The following NTM variants were observed in gnomAD, a reference collection of about 807,000 sequenced individuals.
The protein encoded by NTM is IgLON family member 2.
Under a neutral mutation model 42.1 loss-of-function variants are expected in NTM, and 13 were observed. The ratio of observed to expected loss-of-function variants is 0.31; its 90% CI spans 0.20 to 0.49. The LOEUF (loss-of-function observed/expected upper bound fraction) is 0.49, where lower values mean the gene tolerates loss of function less well. Ranked by LOEUF, NTM falls within the 20% of genes least tolerant of loss-of-function variation. NTM has a pLI of 0.99. For synonymous variants in NTM, 187 were observed against 179.2 expected (o/e 1.04, Z -0.35); for missense variants, 373 against 452.8 (o/e 0.82, Z 1.60).
At chr11:131,393,615 C>A (rs894642730) in intron 1 of NTM, among the ~76,000 whole-genome samples, 1 of 152,200 alleles carries the variant, frequency 6.6e-6, no homozygotes, top group Non-Finnish European at 1.5e-5. Context: ...CACCACCTCC[C>A]AGGGTGAACA....
chr11:131,558,160 G>A (rs929452003), intron 1 of NTM, among the ~76,000 whole-genome samples: 1 of 152,098 alleles, frequency 6.6e-6, no homozygotes, highest in African/African-American at 2.4e-5. Context: ...GGTTGATGTG[G>A]GCCTGTACTG....
chr11:132,005,974 A>C (rs999336293), intron 2 of NTM, among the ~76,000 whole-genome samples: 5 of 152,212 alleles, frequency 3.3e-5, no homozygotes, highest in African/African-American at 1.2e-4. Context: ...TTCAATTATT[A>C]GTGTTTTCCC....
Position 131,493,088 on chromosome 11 carries a change from C to T in NTM, c.82+122200C>T, listed in dbSNP as rs142257289. Among the ~76,000 whole-genome samples the T allele has an allele frequency of 2.7e-3, 408 of 152,032 alleles. 2 individuals are homozygous for T. Among genetic ancestry groups the T allele is most frequent in the African/African-American group, 9.3e-3 (385 of 41,474 alleles). On this transcript the variant is annotated intron_variant, in intron 1 of 8. Coordinates refer to ENST00000683400, the MANE Select transcript of NTM (RefSeq NM_001352005.2). The stretch of plus-strand genomic sequence containing the variant: ...GAAAAAAATACAAAAATTAGCTGGG[C>T]TTGGTGGCACATGTCTGTAGTCCCT...
At chr11:132,161,736 A>G (rs184207485) in intron 3 of NTM, among the ~76,000 whole-genome samples, 3 of 151,992 alleles carry the variant, frequency 2.0e-5, no homozygotes, top group Admixed American at 1.3e-4. Flanking sequence ...GTGCACCCAG[A>G]CTGCGATTCC....
intron 1 of NTM, among the ~76,000 whole-genome samples, chr11:131,522,820 C>A (rs2136580639): frequency 6.6e-6 from 1 of 152,318 alleles, no homozygotes; most frequent in East Asian, 1.9e-4. Flanking sequence ...GGCCTTCAAG[C>A]CCCAGCTGCT....
At chr11:131,983,247 A>G (rs557142730) in intron 2 of NTM, among the ~76,000 whole-genome samples, 2 of 152,270 alleles carry the variant, frequency 1.3e-5, no homozygotes, top group East Asian at 3.9e-4. Context: ...GCATCACAAA[A>G]AGAGATGCTG....
At chr11:131,832,568 C>A (rs1382828385) in intron 1 of NTM, among the ~76,000 whole-genome samples, 1 of 152,154 alleles carries the variant, frequency 6.6e-6, no homozygotes, top group African/African-American at 2.4e-5. Flanking sequence ...CTTGACTTCA[C>A]CCTCAGCTTG....
chr11:131,798,801 A>C (rs1342595205), intron 1 of NTM, among the ~76,000 whole-genome samples: 3 of 152,198 alleles, frequency 2.0e-5, no homozygotes, highest in Non-Finnish European at 4.4e-5. Flanking sequence ...GTAGATGGAT[A>C]ATAACCCTCT....
intron 2 of NTM, among the ~76,000 whole-genome samples, chr11:132,069,300 G>A (rs1481885967): frequency 6.6e-4 from 98 of 148,498 alleles, no homozygotes; most frequent in Admixed American, 1.3e-3. Context: ...AAGTTAACAC[G>A]TCACACTGAC....
In NTM at chr11:132,150,457, G is replaced by C. The variant is rs147975911; in HGVS notation, c.400+3943G>C. On this transcript the variant is annotated intron_variant, in intron 3 of 8. Coordinates refer to ENST00000683400, the MANE Select transcript of NTM (RefSeq NM_001352005.2). ...AAAGCTTTATTGGATAGTGCTATAAGGGGTTACCATTATGGATCAGCAGGT... is the reference window on the plus strand; with the variant it reads ...AAAGCTTTATTGGATAGTGCTATAACGGGTTACCATTATGGATCAGCAGGT... 3.8e-3 allele frequency among the ~76,000 whole-genome samples: 583 copies of C among 152,298 alleles called. 4 individuals carry two copies. Among genetic ancestry groups the C allele is most frequent in the African/African-American group, 0.01 (435 of 41,558 alleles).
intron 1 of NTM, among the ~76,000 whole-genome samples, chr11:131,482,052 G>A (rs949258365): frequency 2.6e-5 from 4 of 152,152 alleles, no homozygotes; most frequent in Non-Finnish European, 4.4e-5. Context: ...TTGAGAAGGC[G>A]GTATATAATT....
At chr11:131,877,865 C>T (rs567410) in intron 1 of NTM, 9,210 of 152,324 alleles carry the variant, frequency 0.06, 328 homozygotes, top group East Asian at 0.16. Flanking sequence ...GCTCAGCTCC[C>T]TCCAGGTGGG....
chr11:131,493,877 C>T (rs1645184755), intron 1 of NTM, among the ~76,000 whole-genome samples: 1 of 152,210 alleles, frequency 6.6e-6, no homozygotes, highest in Admixed American at 6.5e-5. Context: ...CACAACTGAG[C>T]TGCACCTCCA....
rs184130126 is a variant in NTM at position 131,456,045 on chromosome 11, A to C, written c.82+85157A>C. 3.4e-3 allele frequency among the ~76,000 whole-genome samples: 516 copies of C among 152,324 alleles called. 5 individuals are homozygous for C. The highest frequency in any genetic ancestry group is 0.012 in the African/African-American group (496 of 41,564). Reference sequence around the variant, plus strand: ...TGACCCATTTGTGCCTAGGTTGCAAATTTTGTGTGTGTGAAAAATAAGACC... The same window carrying C: ...TGACCCATTTGTGCCTAGGTTGCAACTTTTGTGTGTGTGAAAAATAAGACC... On this transcript the variant is annotated intron_variant, in intron 1 of 8. Transcript: ENST00000683400.
At chr11:132,037,115 T>TA (rs1690112710) in intron 2 of NTM, among the ~76,000 whole-genome samples, 1 of 152,212 alleles carries the variant, frequency 6.6e-6, no homozygotes, top group South Asian at 2.1e-4. Context: ...AGGTAGGGCC[T>TA]AATAGAAGGT....
At chr11:132,031,238 G>A (rs1009414008) in intron 2 of NTM, among the ~76,000 whole-genome samples, 3 of 152,176 alleles carry the variant, frequency 2.0e-5, no homozygotes, top group African/African-American at 7.2e-5. Context: ...TACTCTTAGT[G>A]TGAACATCTT....
chr11:132,127,851 A>G (rs12291967), intron 2 of NTM, among the ~76,000 whole-genome samples: 3,171 of 152,240 alleles, frequency 0.021, 50 homozygotes, highest in Middle Eastern at 0.048. Flanking sequence ...ATGCCGGCAG[A>G]CTTAGTAGTG....
chr11:131,914,796 T>C (rs151207733), intron 2 of NTM, among the ~76,000 whole-genome samples: 41 of 152,350 alleles, frequency 2.7e-4, no homozygotes, highest in Admixed American at 4.6e-4. Flanking sequence ...TTAATAATAC[T>C]ATTAGCCAAT....
At chr11:131,894,914 A>G (rs1354228145) in intron 1 of NTM, among the ~76,000 whole-genome samples, 2 of 152,130 alleles carry the variant, frequency 1.3e-5, no homozygotes, top group Non-Finnish European at 2.9e-5. Flanking sequence ...TCCATTTCCA[A>G]CGCCAGCAGT....
Sources: allele counts gnomAD v4.1 joint callset (sites outside exome capture counted in the v4.1 genomes callset), GRCh38; gene constraint gnomAD v4.1.1; transcripts MANE v1.5; gene names NCBI Gene and HGNC (gene_info 2026-07-23, HGNC 2026-07-21).